The following RUBCNL variants were observed in gnomAD, a reference collection of about 807,000 sequenced individuals.
RUBCNL encodes the protein rubicon like autophagy enhancer, also known as protein associated with UVRAG as autophagy enhancer.
Under a neutral mutation model 69.5 loss-of-function variants are expected in RUBCNL, and 62 were observed. The ratio of observed to expected loss-of-function variants is 0.89; its 90% CI spans 0.73 to 1.10. The LOEUF (loss-of-function observed/expected upper bound fraction) is 1.10. Among genes scored for constraint, RUBCNL ranks in the 50% least tolerant of loss-of-function variants. The pLI is 0.00. For synonymous variants in RUBCNL, 291 were observed against 303.6 expected, an observed-to-expected ratio of 0.96 and a Z score of 0.43; for missense variants, 768 against 798.1, an observed-to-expected ratio of 0.96 and a Z score of 0.45.
chr13:46,386,957 G>A (rs2049262304), intron 1 of RUBCNL, among the ~76,000 whole-genome samples, 177 bp downstream of exon 1: 2 of 152,070 alleles, frequency 1.3e-5, no homozygotes, highest in African/African-American at 4.8e-5. Flanking sequence ...CTGTCTCCAA[G>A]GGGTCCCCGA....
Position 46,340,030 on chromosome 13 carries a change from G to A in RUBCNL, c.*3355C>T, listed in dbSNP as rs2048130682. Reference sequence around the variant, plus strand: ...TCTCTCCGGCTTCTGGGGGCTGCCAGCAATTCTTGGTGCTCCTTGGCTTGT... The same window carrying A: ...TCTCTCCGGCTTCTGGGGGCTGCCAACAATTCTTGGTGCTCCTTGGCTTGT... On this transcript the variant is annotated 3_prime_UTR_variant, in exon 15 of 15. Transcript: ENST00000429979. Among the ~76,000 whole-genome samples the A allele has an allele frequency of 6.6e-6, 1 of 151,940 alleles. No homozygotes were observed. Among genetic ancestry groups the A allele is most frequent in the South Asian group, 2.1e-4 (1 of 4,816 alleles).
At chr13:46,364,921 A>G (rs1029591951) in intron 5 of RUBCNL, among the ~76,000 whole-genome samples, 2 of 152,096 alleles carry the variant, frequency 1.3e-5, no homozygotes, top group African/African-American at 2.4e-5. Context: ...ACACCCAACC[A>G]CTATTTATAA....
chr13:46,356,727 AG>A (rs1254277091), intron 9 of RUBCNL, among the ~76,000 whole-genome samples: 1 of 151,734 alleles, frequency 6.6e-6, no homozygotes, highest in Non-Finnish European at 1.5e-5. Context: ...TTCCTGAGAC[AG>A]GGTCTTGCTC....
At chr13:46,349,263 C>T (rs112166114) in intron 12 of RUBCNL, 23 bp downstream of exon 12, 4 of 1,609,220 alleles carry the variant, frequency 2.5e-6, no homozygotes, top group East Asian at 4.5e-5. Context: ...GGGAAGGCAG[C>T]CTGTCCCAGC....
chr13:46,344,274 G>A (rs779605653), intron 14 of RUBCNL, among the ~76,000 whole-genome samples: 5 of 152,170 alleles, frequency 3.3e-5, no homozygotes, highest in Non-Finnish European at 5.9e-5. Flanking sequence ...CAGAACACGG[G>A]ATTCTCTCGG....
At chr13:46,344,894 T>C (rs1208264480) in intron 13 of RUBCNL, 63 bp from the exon 14 acceptor site, 1 of 1,016,726 alleles carries the variant, frequency 9.8e-7, no homozygotes, top group African/African-American at 1.6e-5. Flanking sequence ...GTTTTCACTA[T>C]TACAGAACTT....
rs928187229 is a variant in RUBCNL, at chr13:46,341,530, C to A, written c.*1855G>T. Among the ~76,000 whole-genome samples, 2 of 152,186 alleles carry A rather than the reference C, an allele frequency of 1.3e-5. No individual in the cohort carries two copies. Among genetic ancestry groups the A allele is most frequent in the African/African-American group, 4.8e-5 (2 of 41,440 alleles). On this transcript the variant is annotated 3_prime_UTR_variant, in exon 15 of 15. Transcript: ENST00000429979. Reference sequence around the variant, plus strand: ...GAAAATCAAAAGCATCACTTCCTGGCAACTGCTGTGCACTCTTCCTTAATA... The same window carrying A: ...GAAAATCAAAAGCATCACTTCCTGGAAACTGCTGTGCACTCTTCCTTAATA...
At chr13:46,366,362 CA>C (rs1256937195) in intron 5 of RUBCNL, among the ~76,000 whole-genome samples, 1 of 152,048 alleles carries the variant, frequency 6.6e-6, no homozygotes, top group Non-Finnish European at 1.5e-5. Flanking sequence ...AACTAGATGC[CA>C]GGGGTGGGTA....
Position 46,349,290 on chromosome 13 carries a change from T to C in RUBCNL, c.1627A>G (p.Asn543Asp). The C allele has an allele frequency of 1.2e-6, 2 of 1,613,454 alleles. No individual in the cohort carries two copies. Among genetic ancestry groups the C allele is most frequent in the Non-Finnish European group, 1.7e-6 (2 of 1,179,506 alleles). ...KKLLKTCRFA[N>D]SALKEFEQVP... is the part of the protein sequence containing the mutation. ...TGTCCCAGCTGAGAATAGTACCTGTTAGCAAACCTACAGGTCTTCAACAGC... is the reference window on the plus strand; with the variant it reads ...TGTCCCAGCTGAGAATAGTACCTGTCAGCAAACCTACAGGTCTTCAACAGC... Residue 543 changes from asparagine to aspartate, a missense_variant, in exon 12 of 15, where the codon AAC (asparagine) becomes GAC (aspartate). Coordinates refer to ENST00000429979, the MANE Select transcript of RUBCNL (RefSeq NM_025113.5).
At chr13:46,359,444 G>A (rs2048562306) in intron 9 of RUBCNL, 42 bp downstream of exon 9, 5 of 1,573,334 alleles carry the variant, frequency 3.2e-6, no homozygotes, top group Non-Finnish European at 4.3e-6. Flanking sequence ...GTCACAATGT[G>A]ATTTAAATGG....
At chr13:46,353,816 A>C (rs772568681) in intron 10 of RUBCNL, among the ~76,000 whole-genome samples, 2 of 152,268 alleles carry the variant, frequency 1.3e-5, no homozygotes, top group Non-Finnish European at 2.9e-5. Flanking sequence ...TGTGCTGTCC[A>C]ATACAGTAGC....
intron 1 of RUBCNL, chr13:46,378,584 CAG>C: frequency 6.6e-6 from 1 of 152,440 alleles, no homozygotes; most frequent in Admixed American, 6.5e-5. Context: ...ATTGTGACAT[CAG>C]AGTCAGTGGC....
chr13:46,344,704 C>A (rs758857034), intron 14 of RUBCNL, 37 bp downstream of exon 14: 1 of 1,332,374 alleles, frequency 7.5e-7, no homozygotes, highest in Non-Finnish European at 1.1e-6. Context: ...AATTAGTTAA[C>A]CTATTATTAA....
At chr13:46,387,285 C>T, upstream of RUBCNL, 1 of 985,480 alleles carries the variant, frequency 1.0e-6, no homozygotes, top group Non-Finnish European at 1.2e-6. Flanking sequence ...GGGACAGCGA[C>T]GCCCCGACGC....
At chr13:46,385,720 C>T (rs1156862400) in intron 1 of RUBCNL, among the ~76,000 whole-genome samples, 1 of 151,474 alleles carries the variant, frequency 6.6e-6, no homozygotes, top group Non-Finnish European at 1.5e-5. Flanking sequence ...ACCTTGGCTC[C>T]GACAGAATGT....
intron 2 of RUBCNL, among the ~76,000 whole-genome samples, chr13:46,377,572 G>GT (rs915281883): frequency 1.2e-4 from 18 of 152,252 alleles, no homozygotes; most frequent in East Asian, 1.2e-3. Context: ...TGATCCCAGT[G>GT]TTTTTTATAA....
rs1594136629 is a variant in RUBCNL, at chr13:46,350,191, T to C, written c.1491A>G (p.Ile497Met). The C allele has an allele frequency of 3.1e-6, 5 of 1,591,182 alleles. No homozygotes were observed. The highest frequency in any genetic ancestry group is 4.3e-6 in the Non-Finnish European group (5 of 1,168,428). Residue 497 changes from isoleucine (I) to methionine (M), a missense_variant, in exon 11 of 15, where the codon ATA becomes ATG. Physicochemically the swap from Ile to Met is conservative, Grantham distance 10. Transcript: ENST00000429979. ...SNFSKQLLDS[I>M]WHQPIFNLLS... ...GCAAATTGAAAATGGGCTGGTGCCA[T>C]ATGCTGTCGAGCAGCTGTTTGGAGA...
rs569907148 is a variant in RUBCNL at position 46,335,255 on chromosome 13, TTGTTG to T, written c.*8125_*8129del. Among the ~76,000 whole-genome samples, 1 of 112,422 alleles carries T rather than the reference TTGTTG, an allele frequency of 8.9e-6. No homozygotes were observed. Among genetic ancestry groups the T allele is most frequent in the Non-Finnish European group, 1.8e-5 (1 of 55,884 alleles). The allele number at this position is 112,422 out of a possible 152,430, so 73.8% of individuals were successfully genotyped here. On this transcript the variant is annotated 3_prime_UTR_variant, in exon 15 of 15. Transcript: ENST00000429979. ...AATTTGTGTCTTTTTGTTGTTGTTGTTGTTGTTTTTTTTTTTTTTTTTTTTTTTTT... is the reference window on the plus strand; with the variant it reads ...AATTTGTGTCTTTTTGTTGTTGTTGTTTTTTTTTTTTTTTTTTTTTTTTTT...
Position 46,371,924 on chromosome 13 carries a change from T to C in RUBCNL, c.535+17A>G, listed in dbSNP as rs1232869836. ...TGTGAACAGAGAGGAATGAGGGAGG[T>C]CACCTACTAAAATTACCTTCATCAG... On this transcript the variant is annotated intron_variant, in intron 3 of 14. Coordinates refer to ENST00000429979, the MANE Select transcript of RUBCNL (RefSeq NM_025113.5). 1.2e-6 allele frequency: 2 copies of C among 1,611,390 alleles called. No individual in the cohort carries two copies. The highest frequency in any genetic ancestry group is 2.7e-5 in the African/African-American group (2 of 74,624).
Sources: gnomAD v4.1 joint callset for allele counts (sites outside exome capture counted in the v4.1 genomes callset) on GRCh38, gnomAD v4.1.1 for gene constraint, MANE v1.5 for transcripts, NCBI Gene and HGNC (gene_info 2026-07-23, HGNC 2026-07-21) for gene names.